EMC3: variants seen among roughly 807,000 people sequenced by gnomAD.
EMC3 encodes the protein ER membrane protein complex subunit 3, also known as 30 kDa protein.
A neutral mutation model predicts 36.6 loss-of-function variants in EMC3; 13 were observed. The ratio of observed to expected loss-of-function variants is 0.35; its 90% CI spans 0.23 to 0.56. The LOEUF (loss-of-function observed/expected upper bound fraction) is 0.56, where lower values mean the gene tolerates loss of function less well. Among genes scored for constraint, EMC3 ranks in the 20% least tolerant of loss-of-function variants. The pLI, the probability that EMC3 is intolerant of heterozygous loss-of-function variation, is 0.84. For missense variants in EMC3, 220 were observed against 324.5 expected (o/e 0.68, Z 2.47); for synonymous variants, 120 against 111.9 (o/e 1.07, Z -0.46).
chr3:10,001,924 A>T (rs534402460), intron 1 of EMC3, among the ~76,000 whole-genome samples: 67 of 149,820 alleles, frequency 4.5e-4, no homozygotes, highest in African/African-American at 1.3e-3. Context: ...GCATGAACCC[A>T]GGAGGTGGAG....
At chr3:9,977,108 A>C in intron 2 of EMC3, 58 bp from the exon 3 acceptor site, 1 of 1,328,820 alleles carries the variant, frequency 7.5e-7, no homozygotes, top group Non-Finnish European at 1.1e-6. Flanking sequence ...GCAAACTGTT[A>C]AATTACTCCC....
At chr3:9,982,183 C>T (rs1448096001) in intron 1 of EMC3, among the ~76,000 whole-genome samples, 1 of 152,064 alleles carries the variant, frequency 6.6e-6, no homozygotes, top group Non-Finnish European at 1.5e-5. Context: ...CTCCTGACCT[C>T]ACGTGATCCA....
In EMC3 at chr3:9,964,120, G is replaced by T. The variant is rs1262573672; in HGVS notation, c.735C>A (p.Asp245Glu). The T allele has an allele frequency of 1.9e-6, 3 of 1,614,146 alleles. No homozygotes were observed. Among genetic ancestry groups the T allele is most frequent in the South Asian group, 2.2e-5 (2 of 91,066 alleles). The change falls in exon 8 of 8, where the codon GAC (aspartate) becomes GAA (glutamate). Residue 245 changes from aspartate to glutamate, a missense_variant. Asp to Glu is a conservative substitution (Grantham distance 45, BLOSUM62 2). This residue lies in a region of EMC3 where 37 missense variants were observed against 32.9 expected (regional missense o/e 1.13). Transcript: ENST00000245046. ...DDVEEELMAK[D>E]LHFEGMFKKE... ...TTTTGAACATGCCTTCGAAGTGGAG[G>T]TCTTTGGCCATGAGCTCTTCTTCGA...
chr3:9,993,921 C>T (rs2086088681), intron 1 of EMC3, among the ~76,000 whole-genome samples: 1 of 152,270 alleles, frequency 6.6e-6, no homozygotes, highest in African/African-American at 2.4e-5. Flanking sequence ...CCAAATCGAG[C>T]AGATAGGAAT....
At chr3:9,994,194 A>G (rs1406513150) in intron 1 of EMC3, 5 of 1,584,770 alleles carry the variant, frequency 3.2e-6, no homozygotes, top group Admixed American at 3.4e-5. Context: ...CAAGGTTCTT[A>G]AGGATATGTG....
chr3:9,982,937 T>C (rs1199315154), intron 1 of EMC3, among the ~76,000 whole-genome samples: 1 of 152,030 alleles, frequency 6.6e-6, no homozygotes, highest in Non-Finnish European at 1.5e-5. Context: ...CACCTTTTTC[T>C]TGGACTTAGG....
In EMC3 at chr3:9,973,616, G is replaced by C. The variant is rs370887302; in HGVS notation, c.494+12C>G. 490 of 1,612,646 alleles carry C rather than the reference G, an allele frequency of 3.0e-4. 3 individuals are homozygous for C. In the East Asian group the frequency reaches 8.6e-3, roughly 28 times the overall value. On this transcript the variant is annotated intron_variant, in intron 5 of 7. Coordinates refer to ENST00000245046, the MANE Select transcript of EMC3 (RefSeq NM_001394674.1). ...TGGTTTGTGTTTTTATTAAACAAAA[G>C]AAAGTTCTTACCAGGATGCATCTAA...
At chr3:9,969,946 G>A (rs2085768672) in intron 6 of EMC3, 145 bp from the exon 7 acceptor site, 2 of 1,346,404 alleles carry the variant, frequency 1.5e-6, no homozygotes, top group South Asian at 1.6e-5. Context: ...TGTGACTCTA[G>A]GAAAGTCACT....
chr3:9,969,471 C>A (rs2085763501), intron 7 of EMC3: 1 of 1,378,490 alleles, frequency 7.3e-7, no homozygotes, highest in Non-Finnish European at 9.4e-7. Flanking sequence ...GATTATTTTA[C>A]AGCATCATTG....
intron 1 of EMC3, chr3:10,005,377 T>C (rs1451379592): frequency 1.3e-5 from 2 of 152,190 alleles, no homozygotes; most frequent in African/African-American, 2.4e-5. Flanking sequence ...CAGCTTTTTG[T>C]GGCATGTACC....
intron 1 of EMC3, among the ~76,000 whole-genome samples, chr3:9,997,197 C>T (rs886512711): frequency 1.1e-4 from 16 of 151,674 alleles, no homozygotes; most frequent in Admixed American, 4.6e-4. Flanking sequence ...TTGTGTCTTG[C>T]TTATTTCACT....
chr3:9,980,545 GTTTT>G (rs1368340718), intron 1 of EMC3, among the ~76,000 whole-genome samples: 1 of 135,300 alleles, frequency 7.4e-6, no homozygotes, highest in Non-Finnish European at 1.6e-5. Context: ...TTTGTGTTTT[GTTTT>G]TTTTGTTTTT....
chr3:9,966,062 A>G (rs2085733552), intron 7 of EMC3, among the ~76,000 whole-genome samples: 1 of 152,172 alleles, frequency 6.6e-6, no homozygotes. Context: ...TATAGTAACT[A>G]TGTTTTAACT....
At chr3:10,008,507 G>C in intron 1 of EMC3, 1 of 1,364,084 alleles carries the variant, frequency 7.3e-7, no homozygotes, top group Non-Finnish European at 9.8e-7. Flanking sequence ...TGACAGCCAT[G>C]GAGGGTGGGG....
upstream of EMC3, chr3:9,988,639 G>A (rs1460380795): frequency 3.2e-6 from 3 of 932,532 alleles, no homozygotes; most frequent in Non-Finnish European, 3.5e-6. Context: ...TGAGATAACA[G>A]GGCATGCTGA....
chr3:9,973,348 C>A (rs1016334009), intron 5 of EMC3, among the ~76,000 whole-genome samples: 1 of 151,930 alleles, frequency 6.6e-6, no homozygotes, highest in African/African-American at 2.4e-5. Context: ...GCGCCCGCCA[C>A]CACGCCTGGC....
intron 1 of EMC3, among the ~76,000 whole-genome samples, chr3:9,995,730 C>T (rs1177388854): frequency 2.0e-5 from 3 of 151,840 alleles, no homozygotes; most frequent in East Asian, 1.9e-4. Flanking sequence ...CTCTGCCTCC[C>T]GGGTTCTAGC....
chr3:9,994,716 G>A (rs55772237), intron 1 of EMC3, among the ~76,000 whole-genome samples: 34,190 of 151,836 alleles, frequency 0.23, 4,462 homozygotes, highest in African/African-American at 0.36. Context: ...GATTACAGGC[G>A]CGTGCCACTA....
At chr3:9,969,345 G>T in intron 7 of EMC3, 1 of 1,107,432 alleles carries the variant, frequency 9.0e-7, no homozygotes, top group Non-Finnish European at 1.1e-6. Flanking sequence ...GCAAATTCTA[G>T]AACCTTTTTG....
Sources: allele counts gnomAD v4.1 joint callset (sites outside exome capture counted in the v4.1 genomes callset), GRCh38; gene constraint gnomAD v4.1.1; regional missense constraint gnomAD v4.1.1; transcripts MANE v1.5; gene names NCBI Gene and HGNC (gene_info 2026-07-23, HGNC 2026-07-21).